RELN: variants seen among roughly 807,000 people sequenced by gnomAD.
RELN encodes reelin.
A neutral mutation model predicts 427.6 loss-of-function variants in RELN; 108 were observed. That is an observed-to-expected ratio of 0.25 (90% CI 0.22 to 0.30). The LOEUF (loss-of-function observed/expected upper bound fraction) is 0.30, where lower values mean the gene tolerates loss of function less well. Among genes scored for constraint, RELN ranks in the 10% least tolerant of loss-of-function variants. The pLI is 1.00. For missense variants in RELN, 3,715 were observed against 4,302.8 expected (o/e 0.86, Z 3.82); for synonymous variants, 1,524 against 1,513.4 (o/e 1.01, Z -0.16).
At chr7:103,641,664 T>C (rs926378790) in intron 16 of RELN, among the ~76,000 whole-genome samples, 3 of 152,142 alleles carry the variant, frequency 2.0e-5, no homozygotes, top group African/African-American at 7.2e-5. Context: ...TTGGAGGAAA[T>C]AATTAAAGAA....
At chr7:103,478,291 TAG>T in intron 64 of RELN, 96 bp downstream of exon 64, 32 of 628,442 alleles carry the variant, frequency 5.1e-5, no homozygotes, top group South Asian at 7.3e-5. Flanking sequence ...TTTTTTTTTT[TAG>T]TTGCAAAGGT....
intron 6 of RELN, among the ~76,000 whole-genome samples, chr7:103,738,903 G>A (rs1178315773): frequency 6.6e-6 from 1 of 151,900 alleles, no homozygotes; most frequent in Non-Finnish European, 1.5e-5. Flanking sequence ...GGATGGTCTT[G>A]ATATCTTGAC....
chr7:103,829,107 C>T (rs979300660), intron 3 of RELN, among the ~76,000 whole-genome samples: 1 of 151,746 alleles, frequency 6.6e-6, no homozygotes, highest in South Asian at 2.1e-4. Context: ...ATAATAGTAC[C>T]GACTTTACAG....
At chr7:103,592,993 T>C (rs1338417831) in intron 27 of RELN, among the ~76,000 whole-genome samples, 1 of 152,212 alleles carries the variant, frequency 6.6e-6, no homozygotes, top group Non-Finnish European at 1.5e-5. Flanking sequence ...CTGATCTCTT[T>C]AATAATTCCA....
At chr7:103,729,535 T>G (rs772664891) in intron 6 of RELN, among the ~76,000 whole-genome samples, 3 of 152,158 alleles carry the variant, frequency 2.0e-5, no homozygotes, top group Non-Finnish European at 2.9e-5. Context: ...AAAACATAAA[T>G]AAATTTGATA....
chr7:103,746,712 A>G (rs1173175922), intron 6 of RELN, among the ~76,000 whole-genome samples: 1 of 151,688 alleles, frequency 6.6e-6, no homozygotes, highest in Non-Finnish European at 1.5e-5. Flanking sequence ...AACCACAATG[A>G]GATACCATCT....
chr7:103,983,331 C>T (rs1410397832), intron 1 of RELN, among the ~76,000 whole-genome samples: 1 of 152,216 alleles, frequency 6.6e-6, no homozygotes, highest in Non-Finnish European at 1.5e-5. Flanking sequence ...GCACAGCATT[C>T]AACCCTTCAG....
At chr7:103,674,584 C>T (rs564694012) in intron 11 of RELN, among the ~76,000 whole-genome samples, 33 of 152,204 alleles carry the variant, frequency 2.2e-4, no homozygotes, top group African/African-American at 4.8e-4. Context: ...TCCTCATGTC[C>T]GCATTCATTG....
At chr7:103,904,578 T>C (rs1307515744) in intron 2 of RELN, among the ~76,000 whole-genome samples, 1 of 152,204 alleles carries the variant, frequency 6.6e-6, no homozygotes, top group Non-Finnish European at 1.5e-5. Flanking sequence ...ATCTGTGAAG[T>C]GTCCAGAGAA....
At chr7:103,535,669 T>A (rs1830033383) in intron 45 of RELN, among the ~76,000 whole-genome samples, 185 bp from the exon 46 acceptor site, 1 of 152,184 alleles carries the variant, frequency 6.6e-6, no homozygotes, top group African/African-American at 2.4e-5. Context: ...TTACTAGCTA[T>A]TATTTTTAAA....
chr7:103,689,848 C>G (rs1013619386), intron 10 of RELN, among the ~76,000 whole-genome samples: 1 of 152,150 alleles, frequency 6.6e-6, no homozygotes, highest in African/African-American at 2.4e-5. Flanking sequence ...GCTCTGAAAA[C>G]TTACATCTAA....
At chr7:103,785,724 T>G (rs1165173632) in intron 3 of RELN, among the ~76,000 whole-genome samples, 1 of 152,128 alleles carries the variant, frequency 6.6e-6, no homozygotes, top group Non-Finnish European at 1.5e-5. Context: ...ACTAGAAATG[T>G]TGTGCTATTT....
intron 2 of RELN, among the ~76,000 whole-genome samples, chr7:103,907,936 A>G (rs972594029): frequency 3.3e-5 from 5 of 151,912 alleles, no homozygotes; most frequent in Non-Finnish European, 5.9e-5. Context: ...TATTTGTATT[A>G]ATGTTCTCCC....
At chr7:103,480,399 T>G (rs1828190769) in intron 63 of RELN, among the ~76,000 whole-genome samples, 1 of 152,314 alleles carries the variant, frequency 6.6e-6, no homozygotes, top group Non-Finnish European at 1.5e-5. Context: ...GCTCATCAAA[T>G]GAATGAATTG....
At chr7:103,693,851 C>T (rs1833922836) in intron 10 of RELN, among the ~76,000 whole-genome samples, 1 of 152,120 alleles carries the variant, frequency 6.6e-6, no homozygotes. Context: ...TGTTCCAAGG[C>T]CCCTACTCTA....
chr7:103,508,197 A>T lies in RELN; in HGVS notation c.8274+2654T>A, dbSNP rs187863606. Among the ~76,000 whole-genome samples the T allele has an allele frequency of 5.4e-4, 83 of 152,320 alleles. 1 individual carries two copies. Among genetic ancestry groups the T allele is most frequent in the Admixed American group, 3.5e-3 (54 of 15,302 alleles). Reference sequence around the variant, plus strand: ...TAACTCATTTTATGAGGCCAGCATCATCCTGCTACCAAAACCTGGCAGAGA... The same window carrying T: ...TAACTCATTTTATGAGGCCAGCATCTTCCTGCTACCAAAACCTGGCAGAGA... On this transcript the variant is annotated intron_variant, in intron 51 of 64. Coordinates refer to ENST00000428762, the MANE Select transcript of RELN (RefSeq NM_005045.4).
In RELN at chr7:103,953,945, AAAC is replaced by A. The variant is rs1390244962; in HGVS notation, c.226+35183_226+35185del. Among the ~76,000 whole-genome samples the A allele has an allele frequency of 1.3e-5, 2 of 151,822 alleles. No individual in the cohort carries two copies. Among genetic ancestry groups the A allele is most frequent in the Non-Finnish European group, 2.9e-5 (2 of 67,956 alleles). On this transcript the variant is annotated intron_variant, in intron 1 of 64. Transcript: ENST00000428762. This position sits in a 1 kb window ranked among gnomAD's most constrained non-coding sequence, Gnocchi z 4.3. ...AGACTCCATCTCAAAAAAACAAAAC[AAAC>A]AACAATAACAACAAAAACAGGCGGG...
chr7:103,493,379 CAGGAAAATCAGAGGAGTTGG>C (rs989521528), intron 57 of RELN, among the ~76,000 whole-genome samples: 32 of 152,268 alleles, frequency 2.1e-4, no homozygotes, highest in Admixed American at 1.0e-3. Context: ...TCGACAGAAA[CAGGAAAATCAGAGGAGTTGG>C]TATGGTGAGG....
intron 8 of RELN, among the ~76,000 whole-genome samples, chr7:103,702,239 A>G (rs1834108981): frequency 1.3e-5 from 2 of 152,238 alleles, no homozygotes; most frequent in Non-Finnish European, 2.9e-5. Context: ...GGAAATGGTG[A>G]CAGGCAGAAT....
Sources: gnomAD v4.1 joint callset for allele counts (sites outside exome capture counted in the v4.1 genomes callset) on GRCh38, gnomAD v4.1.1 for gene constraint, Gnocchi (gnomAD v3.1) non-coding constraint, MANE v1.5 for transcripts, NCBI Gene and HGNC (gene_info 2026-07-23, HGNC 2026-07-21) for gene names.